Variants in CENPS observed in about 807,000 individuals in gnomAD.
CENPS encodes FANCM associated histone fold protein 1.
In CENPS, 16 loss-of-function variants were observed where a neutral mutation model predicts 17.9. The observed-to-expected ratio is 0.90, with a 90% confidence interval of 0.61 to 1.36. CENPS has a LOEUF of 1.36. Among genes scored for constraint, CENPS ranks in the 40% most tolerant of loss-of-function variants. The pLI is 0.00. For synonymous variants in CENPS, 49 were observed against 55.8 expected, an observed-to-expected ratio of 0.88 and a Z score of 0.54; for missense variants, 160 against 158.6, an observed-to-expected ratio of 1.01 and a Z score of -0.05.
chr1:10,435,734 CACATAT>C (rs745637922), intron 3 of CENPS, among the ~76,000 whole-genome samples: 50 of 151,314 alleles, frequency 3.3e-4, no homozygotes, highest in African/African-American at 5.6e-4. Context: ...CACACACACA[CACATAT>C]ACATAAATAT....
intron 4 of CENPS, among the ~76,000 whole-genome samples, chr1:10,441,195 T>G (rs1322490377): frequency 1.3e-5 from 2 of 152,174 alleles, no homozygotes; most frequent in African/African-American, 2.4e-5. Context: ...TTTTTCTTTT[T>G]TTAAATTTTG....
intron 2 of CENPS, 92 bp downstream of exon 2, chr1:10,434,057 T>C: frequency 6.4e-7 from 1 of 1,571,176 alleles, no homozygotes; most frequent in Non-Finnish European, 8.7e-7. Flanking sequence ...GTGGCGAGTC[T>C]GACCAGCAGA....
Position 10,440,563 on chromosome 1 carries a change from G to A in CENPS, c.276+150G>A, listed in dbSNP as rs1245570250. 10 of 1,073,762 alleles carry A rather than the reference G, an allele frequency of 9.3e-6. No individual in the cohort carries two copies. In the East Asian group the frequency reaches 2.9e-4, roughly 31 times the overall value. The allele number at this position is 1,073,762 out of a possible 1,614,324, so 66.5% of individuals were successfully genotyped here. A position where few individuals can be genotyped will look rare whatever the true frequency, so the allele number is the denominator to read the frequency against. ...CATTCAGACCTGCCTGTAATTTACA[G>A]TCTTGCTTTCATTATGATGGATCTT... On this transcript the variant is annotated intron_variant, in intron 4 of 4. Coordinates refer to ENST00000309048, the MANE Select transcript of CENPS (RefSeq NM_199294.3).
At chr1:10,438,684 C>T (rs752067233) in intron 3 of CENPS, among the ~76,000 whole-genome samples, 6 of 152,044 alleles carry the variant, frequency 3.9e-5, no homozygotes, top group South Asian at 2.1e-4. Flanking sequence ...TATGCAGTGG[C>T]GGGCAGAGGA....
Position 10,442,357 on chromosome 1 carries a change from A to G in CENPS, c.369A>G (p.Lys123=). ...QKKKKSEDGS[K]NSRQPAEAGV... is the part of the protein sequence containing the mutation. ...AAAAGAAGTCAGAGGATGGAAGCAA[A>G]AATTCAAGGCAGCCAGCAGAGGCTG... The change falls in exon 5 of 5, where the codon AAA becomes AAG. Residue 123 remains lysine (K), a synonymous_variant. Coordinates refer to ENST00000309048, the MANE Select transcript of CENPS (RefSeq NM_199294.3). 1 of 1,607,116 alleles carries G rather than the reference A, an allele frequency of 6.2e-7. No individual in the cohort carries two copies. The highest frequency in any genetic ancestry group is 8.5e-7 in the Non-Finnish European group (1 of 1,178,342).
chr1:10,441,620 CTTTTTTTTTTTT>C (rs34369229), intron 4 of CENPS, among the ~76,000 whole-genome samples: 1 of 48,330 alleles, frequency 2.1e-5, no homozygotes, highest in Non-Finnish European at 3.6e-5. Flanking sequence ...GGCTACAACT[CTTTTTTTTTTTT>C]TTTTTTTTTT....
At chr1:10,431,105 TTTTC>T in intron 1 of CENPS, 1 of 1,407,154 alleles carries the variant, frequency 7.1e-7, no homozygotes, top group Non-Finnish European at 9.2e-7. Flanking sequence ...CCAGACGCAA[TTTTC>T]TTCTCTGCAA....
chr1:10,435,493 G>A (rs1056905387), intron 3 of CENPS, among the ~76,000 whole-genome samples: 5 of 151,636 alleles, frequency 3.3e-5, no homozygotes, highest in South Asian at 4.2e-4. Context: ...GTGGATATTC[G>A]TCCCTGAAAA....
chr1:10,435,695 TA>T (rs1244752739), intron 3 of CENPS, among the ~76,000 whole-genome samples: 1 of 96,394 alleles, frequency 1.0e-5, no homozygotes, highest in Non-Finnish European at 2.4e-5. Context: ...TTTAAATACT[TA>T]AAAATAATAT....
rs71571900 is a variant in CENPS, at chr1:10,435,702, AATATAT to A, written c.209+1022_209+1027del. Among the ~76,000 whole-genome samples the A allele has an allele frequency of 6.8e-4, 98 of 145,060 alleles. 1 individual carries two copies. The highest frequency in any genetic ancestry group is 1.7e-3 in the South Asian group (8 of 4,582). ...ATGAAAAATTTAAATACTTAAAAAT[AATATAT>A]ATATATATACACACACACACACACA... is the stretch of plus-strand genomic sequence containing the variant. On this transcript the variant is annotated intron_variant, in intron 3 of 4. Transcript: ENST00000309048.
intron 1 of CENPS, among the ~76,000 whole-genome samples, chr1:10,432,201 C>T (rs574648451): frequency 6.6e-6 from 1 of 152,210 alleles, no homozygotes; most frequent in East Asian, 1.9e-4. Flanking sequence ...GATTCTCCTG[C>T]CTCAGCCTCC....
At chr1:10,436,705 CT>C (rs1263344408) in intron 3 of CENPS, among the ~76,000 whole-genome samples, 1 of 78,080 alleles carries the variant, frequency 1.3e-5, no homozygotes, top group African/African-American at 4.9e-5. Flanking sequence ...GACTCTGTCT[CT>C]TTAAAAAAAA....
chr1:10,439,505 T>C (rs1385542485), intron 3 of CENPS, among the ~76,000 whole-genome samples: 1 of 152,096 alleles, frequency 6.6e-6, no homozygotes, highest in African/African-American at 2.4e-5. Flanking sequence ...CCCAGCACTT[T>C]GGGAGGCAGC....
chr1:10,436,689 G>C (rs1217992054), intron 3 of CENPS, among the ~76,000 whole-genome samples: 2 of 145,428 alleles, frequency 1.4e-5, no homozygotes, highest in Non-Finnish European at 3.0e-5. Flanking sequence ...CTGGGTGACA[G>C]AGTGAGACTC....
At chr1:10,430,758 A>G in intron 1 of CENPS, 190 bp downstream of exon 1, 1 of 1,397,444 alleles carries the variant, frequency 7.2e-7, no homozygotes, top group Non-Finnish European at 9.3e-7. Context: ...ACGCGGCTGG[A>G]CCCTGGCCTG....
At chr1:10,435,050 G>A (rs1484936395) in intron 3 of CENPS, among the ~76,000 whole-genome samples, 2 of 152,168 alleles carry the variant, frequency 1.3e-5, no homozygotes, top group African/African-American at 4.8e-5. Flanking sequence ...GCCTGGGGGT[G>A]GCCGCCCCTC....
At chr1:10,441,913 C>T (rs1191245205) in intron 4 of CENPS, among the ~76,000 whole-genome samples, 1 of 152,106 alleles carries the variant, frequency 6.6e-6, no homozygotes. Flanking sequence ...GCGTGAGCCA[C>T]CGCACCCGAC....
chr1:10,437,449 T>TTTTTTCG (rs1640215581), intron 3 of CENPS, among the ~76,000 whole-genome samples: 4 of 114,778 alleles, frequency 3.5e-5, no homozygotes, highest in African/African-American at 1.3e-4. Context: ...GGGGCTGTTT[T>TTTTTTCG]TTTTTTGTTT....
chr1:10,440,545 A>C (rs1570054003), intron 4 of CENPS, 132 bp downstream of exon 4: 1 of 1,197,922 alleles, frequency 8.3e-7, no homozygotes. Context: ...AACCATTCAG[A>C]CCTGCCTGTA....
Sources: allele counts gnomAD v4.1 joint callset (sites outside exome capture counted in the v4.1 genomes callset), GRCh38; gene constraint gnomAD v4.1.1; transcripts MANE v1.5; gene names NCBI Gene and HGNC (gene_info 2026-07-23, HGNC 2026-07-21).